Variants in KPTN observed in about 807,000 individuals in gnomAD.
The protein encoded by KPTN is kaptin, actin binding protein, also known as KICSTOR complex protein kaptin.
Under a neutral mutation model 52.6 loss-of-function variants are expected in KPTN, and 36 were observed. The observed-to-expected ratio is 0.68, with a 90% CI of 0.52 to 0.90. The LOEUF is 0.90. Ranked by LOEUF, KPTN falls within the 40% of genes least tolerant of loss-of-function variation. The probability of loss-of-function intolerance (pLI) is 0.00; values close to 1 mark genes in which losing one functional copy is unlikely to be tolerated. For synonymous variants in KPTN, 271 were observed against 248.4 expected, an observed-to-expected ratio of 1.09 and a Z score of -0.85; for missense variants, 529 against 576.2, an observed-to-expected ratio of 0.92 and a Z score of 0.84.
At position 47,483,274 on chromosome 19, in the gene KPTN, T is replaced by A. The variant is rs4632244; in HGVS notation, c.394+21A>T. 6 of 1,613,358 alleles carry A rather than the reference T, an allele frequency of 3.7e-6. No individual in the cohort carries two copies. In the South Asian group the frequency reaches 6.6e-5, roughly 18 times the overall value. ...GACCTGCTGGGGACTCTCTCCCTCC[T>A]CCCGTCCACGCCTCACTCACGGGCA... On this transcript the variant is annotated intron_variant, in intron 3 of 11. Transcript: ENST00000338134.
In KPTN at chr19:47,476,620, G is replaced by T; in HGVS notation, c.1094C>A (p.Pro365His). The T allele has an allele frequency of 6.2e-7, 1 of 1,612,696 alleles. No homozygotes were observed. ...GTCCACGTGAGCCATGGCCAGCAGG[G>T]GACTGGAGAAGCTCCGCTGCCACAG... ...HLLWQRSFSS[P>H]LLAMAHVDLT... is the part of the protein sequence containing the mutation. Residue 365 changes from proline to histidine, a missense_variant, in exon 11 of 12, where the codon CCC (proline) becomes CAC (histidine). Pro to His is a moderately conservative substitution (Grantham distance 77). Coordinates refer to ENST00000338134, the MANE Select transcript of KPTN (RefSeq NM_007059.4).
At chr19:47,483,101 G>A (rs1422201260) in intron 4 of KPTN, 60 bp downstream of exon 4, 5 of 1,502,380 alleles carry the variant, frequency 3.3e-6, no homozygotes, top group Admixed American at 3.3e-5. Context: ...GAAGGGGTTC[G>A]AGAAGCCAGG....
intron 4 of KPTN, among the ~76,000 whole-genome samples, chr19:47,482,507 A>C (rs1279548733): frequency 6.6e-6 from 1 of 151,846 alleles, no homozygotes; most frequent in Non-Finnish European, 1.5e-5. Flanking sequence ...AAAGAAAAAA[A>C]AAGTGCAATG....
chr19:47,480,645 TG>T, intron 6 of KPTN, 114 bp downstream of exon 6: 1 of 977,168 alleles, frequency 1.0e-6, no homozygotes, highest in Non-Finnish European at 1.6e-6. Flanking sequence ...AGTCATGCCG[TG>T]GACTGATTTT....
chr19:47,484,322 G>C (rs558331833), upstream of KPTN: 13 of 852,486 alleles, frequency 1.5e-5, no homozygotes, highest in South Asian at 2.4e-4. Context: ...CGGCCAGGTC[G>C]CCTGCTCGGG....
chr19:47,478,675 G>A (rs1967762577), intron 8 of KPTN, among the ~76,000 whole-genome samples: 1 of 151,438 alleles, frequency 6.6e-6, no homozygotes, highest in East Asian at 1.9e-4. Context: ...CTAATGAGTG[G>A]AGAAAGAAAA....
chr19:47,476,577 C>A lies in KPTN; in HGVS notation c.1137G>T (p.Leu379=). The A allele has an allele frequency of 2.5e-6, 4 of 1,611,812 alleles. No homozygotes were observed. Among genetic ancestry groups the A allele is most frequent in the Non-Finnish European group, 1.7e-6 (2 of 1,179,626 alleles). ...MAHVDLTGDG[L]QELAVVSLKG... ...TCAGGGAGACCACGGCAAGCTCCTGCAGCCCATCCCCGGTCAGGTCCACGT... is the reference window on the plus strand; with the variant it reads ...TCAGGGAGACCACGGCAAGCTCCTGAAGCCCATCCCCGGTCAGGTCCACGT... The change falls in exon 11 of 12, where the codon CTG becomes CTT. Residue 379 remains leucine, a synonymous_variant. Coordinates refer to ENST00000338134, the MANE Select transcript of KPTN (RefSeq NM_007059.4).
At chr19:47,480,904 G>C in intron 5 of KPTN, 54 bp downstream of exon 5, 1 of 1,608,844 alleles carries the variant, frequency 6.2e-7, no homozygotes, top group East Asian at 2.2e-5. Context: ...CCCACCCAGC[G>C]CCAGCCCACA....
intron 8 of KPTN, 151 bp from the exon 9 acceptor site, chr19:47,477,932 C>T (rs977675638): frequency 7.2e-6 from 4 of 554,924 alleles, no homozygotes; most frequent in Admixed American, 7.1e-5. Flanking sequence ...TGGTGGCGGG[C>T]ACCTGTAATG....
In KPTN at chr19:47,477,726, C is replaced by T. The variant is rs1967721589; in HGVS notation, c.843G>A (p.Leu281=). ...DEYSVLVASM[L]EPAVVYRDLL... ...CTCACCGATACACCACTGCTGGCTC[C>T]AACATGCTGGCCACGAGCACGCTGT... Residue 281 remains leucine (L), a synonymous_variant, in exon 9 of 12, where the codon TTG becomes TTA. Transcript: ENST00000338134. 1 of 1,613,662 alleles carries T rather than the reference C, an allele frequency of 6.2e-7. No homozygotes were observed. Among genetic ancestry groups the T allele is most frequent in the East Asian group, 2.2e-5 (1 of 44,878 alleles).
intron 5 of KPTN, 26 bp from the exon 6 acceptor site, chr19:47,480,859 C>A (rs753951615): frequency 6.2e-7 from 1 of 1,613,848 alleles, no homozygotes; most frequent in African/African-American, 1.3e-5. Context: ...CCCACCCCAC[C>A]CCCGCTTAAG....
rs756524875 is a variant in KPTN at position 47,484,026 on chromosome 19, G to A, written c.135C>T (p.Thr45=). The change falls in exon 1 of 12, where the codon ACC becomes ACT. Residue 45 remains threonine (T), a synonymous_variant. Coordinates refer to ENST00000338134, the MANE Select transcript of KPTN (RefSeq NM_007059.4). ...AGGRGELLAA[T]LKGKVLGFRY... ...GGAAGCCGAGCACCTTGCCTTTAAGGGTGGCGGCCAGCAGCTCCCCGCGCC... is the reference window on the plus strand; with the variant it reads ...GGAAGCCGAGCACCTTGCCTTTAAGAGTGGCGGCCAGCAGCTCCCCGCGCC... The A allele has an allele frequency of 1.8e-5, 29 of 1,612,580 alleles. No homozygotes were observed. The South Asian group carries it at 2.5e-4, about 14-fold the overall frequency.
In KPTN at chr19:47,483,517, C is replaced by T. The variant is rs1967962178; in HGVS notation, c.294G>A (p.Gly98=). 6.3e-7 allele frequency: 1 copy of T among 1,590,728 alleles called. No individual in the cohort carries two copies. The change falls in exon 2 of 12, where the codon GGG becomes GGA. Residue 98 remains glycine, a synonymous_variant. Coordinates refer to ENST00000338134, the MANE Select transcript of KPTN (RefSeq NM_007059.4). The part of the protein sequence containing the change: ...KSPPKRGLVV[G]ITFIKDSGDK... ...CTCTAGGTACCTTGATGAACGTGAT[C>T]CCCACAACCAGACCCCGCTTGGGGG...
At chr19:47,478,567 T>TAAAAAGAAAA (rs1967756619) in intron 8 of KPTN, among the ~76,000 whole-genome samples, 1 of 66,234 alleles carries the variant, frequency 1.5e-5, no homozygotes, top group Non-Finnish European at 2.9e-5. Flanking sequence ...AGACTCTGTC[T>TAAAAAGAAAA]AAAAAAAAAA....
rs774452788 is a variant in KPTN at position 47,480,851 on chromosome 19, C to T, written c.526-18G>A. 2 of 1,613,712 alleles carry T rather than the reference C, an allele frequency of 1.2e-6. No homozygotes were observed. Among genetic ancestry groups the T allele is most frequent in the East Asian group, 2.2e-5 (1 of 44,856 alleles). On this transcript the variant is annotated intron_variant, in intron 5 of 11. Coordinates refer to ENST00000338134, the MANE Select transcript of KPTN (RefSeq NM_007059.4). ...CCCTCGTTCTGGGGAAACCAAGACC[C>T]ACCCCACCCCCGCTTAAGTCAGCCG... is the stretch of plus-strand genomic sequence containing the variant.
chr19:47,484,814 C>T (rs1488939477), upstream of KPTN, among the ~76,000 whole-genome samples: 1 of 151,162 alleles, frequency 6.6e-6, no homozygotes, highest in Non-Finnish European at 1.5e-5. Flanking sequence ...AAGCGATTCT[C>T]CTGCCTCAGC....
chr19:47,480,675 G>T, intron 6 of KPTN, 85 bp downstream of exon 6: 2 of 1,265,132 alleles, frequency 1.6e-6, no homozygotes, highest in South Asian at 1.2e-5. Flanking sequence ...CCTCCCCGGT[G>T]ACCAATTTCT....
In KPTN at chr19:47,475,348, C is replaced by T. The variant is rs570524623; in HGVS notation, c.*68G>A. 7.7e-6 allele frequency: 12 copies of T among 1,561,494 alleles called. No individual in the cohort carries two copies. The highest frequency in any genetic ancestry group is 1.2e-5 in the South Asian group (1 of 85,406). ...AGCATCCTGTCCTTCAGGACACCCC[C>T]CACCAGCGGCTGGAGGTGAGCACGC... On this transcript the variant is annotated 3_prime_UTR_variant, in exon 12 of 12. Coordinates refer to ENST00000338134, the MANE Select transcript of KPTN (RefSeq NM_007059.4).
At chr19:47,480,239 C>A in intron 7 of KPTN, 59 bp downstream of exon 7, 2 of 1,047,484 alleles carry the variant, frequency 1.9e-6, no homozygotes, top group Non-Finnish European at 2.8e-6. Flanking sequence ...CAGCCCCACC[C>A]TGGCCCCGCC....
Sources: allele counts gnomAD v4.1 joint callset (sites outside exome capture counted in the v4.1 genomes callset), GRCh38; gene constraint gnomAD v4.1.1; transcripts MANE v1.5; gene names NCBI Gene and HGNC (gene_info 2026-07-23, HGNC 2026-07-21).